FOXP1: variants seen among roughly 807,000 people sequenced by gnomAD.
The protein encoded by FOXP1 is forkhead box P1, also known as forkhead box protein P1.
Under a neutral mutation model 98.2 loss-of-function variants are expected in FOXP1, and 15 were observed. That is an observed-to-expected ratio of 0.15 (90% confidence interval 0.10 to 0.24). The LOEUF (loss-of-function observed/expected upper bound fraction) is 0.24, where lower values mean the gene tolerates loss of function less well. Among genes scored for constraint, FOXP1 ranks in the 10% least tolerant of loss-of-function variants. FOXP1 has a pLI of 1.00. For missense variants in FOXP1, 633 were observed against 848.5 expected, an observed-to-expected ratio of 0.75 and a Z score of 3.15; for synonymous variants, 371 against 314.5, an observed-to-expected ratio of 1.18 and a Z score of -1.90.
chr3:71,516,248 T>C (rs1477666482), intron 2 of FOXP1, among the ~76,000 whole-genome samples: 2 of 152,184 alleles, frequency 1.3e-5, no homozygotes, highest in Non-Finnish European at 2.9e-5. Context: ...ATTTCAAACT[T>C]ACTGTCAAAG....
At chr3:71,348,527 G>A (rs1212583031) in intron 4 of FOXP1, among the ~76,000 whole-genome samples, 6 of 125,202 alleles carry the variant, frequency 4.8e-5, no homozygotes, top group African/African-American at 1.5e-4. Context: ...GTGTGCGTGT[G>A]TGTGTGTGTG....
intron 6 of FOXP1, among the ~76,000 whole-genome samples, chr3:71,177,504 C>T (rs900038198): frequency 6.6e-6 from 1 of 152,092 alleles, no homozygotes; most frequent in African/African-American, 2.4e-5. Flanking sequence ...TGATCATCAC[C>T]ACAATAAACA....
chr3:71,112,722 T>C, intron 6 of FOXP1, 85 bp from the exon 7 acceptor site: 1 of 982,904 alleles, frequency 1.0e-6, no homozygotes, highest in Non-Finnish European at 1.6e-6. Flanking sequence ...GAAGTGCGCT[T>C]TGGGACTGGG....
At chr3:71,127,115 T>C (rs1030617016) in intron 6 of FOXP1, among the ~76,000 whole-genome samples, 1 of 152,104 alleles carries the variant, frequency 6.6e-6, no homozygotes, top group Non-Finnish European at 1.5e-5. Context: ...CTGGAAAAGC[T>C]TTCAACGAAG....
chr3:70,970,762 A>G lies in FOXP1; in HGVS notation c.1696T>C (p.Cys566Arg). Residue 566 changes from cysteine to arginine, a missense_variant, in exon 19 of 21, where the codon TGC (cysteine) becomes CGC (arginine). Coordinates refer to ENST00000649528, the MANE Select transcript of FOXP1 (RefSeq NM_001349338.3). ...IKNMQSSHAY[C>R]TPLNAALQAS... ...TGTAAAGCTGCATTGAGAGGTGTGCAGTAGGCGTGGCTGCTCTGCATGTTT... is the reference window on the plus strand; with the variant it reads ...TGTAAAGCTGCATTGAGAGGTGTGCGGTAGGCGTGGCTGCTCTGCATGTTT... 2 of 1,614,082 alleles carry G rather than the reference A, an allele frequency of 1.2e-6. No individual in the cohort carries two copies. Among genetic ancestry groups the G allele is most frequent in the Non-Finnish European group, 1.7e-6 (2 of 1,179,924 alleles).
chr3:71,544,376 TG>T (rs1383238094), intron 2 of FOXP1, among the ~76,000 whole-genome samples: 3 of 104,628 alleles, frequency 2.9e-5, no homozygotes, highest in Non-Finnish European at 6.2e-5. Context: ...AGTAAAGAAA[TG>T]GAAAAAAAAA....
At chr3:71,011,369 G>A (rs2043595102) in intron 12 of FOXP1, among the ~76,000 whole-genome samples, 1 of 152,126 alleles carries the variant, frequency 6.6e-6, no homozygotes, top group Non-Finnish European at 1.5e-5. Context: ...CTGGGCCAAT[G>A]ACAGTCTGCC....
intron 4 of FOXP1, among the ~76,000 whole-genome samples, chr3:71,335,665 G>A (rs1397369009): frequency 6.6e-6 from 1 of 152,072 alleles, no homozygotes; most frequent in Non-Finnish European, 1.5e-5. Context: ...CCCACTAAAA[G>A]AAATGGGTTT....
chr3:71,417,167 T>C lies in FOXP1; in HGVS notation c.-167-57923A>G, dbSNP rs74943259. Among the ~76,000 whole-genome samples the C allele has an allele frequency of 9.4e-3, 1,424 of 151,964 alleles. 29 individuals are homozygous for C. Among genetic ancestry groups the C allele is most frequent in the African/African-American group, 0.033 (1,372 of 41,426 alleles). ...GTGGAGCTGCGGCTGGAGAGAGGAG[T>C]GTGCTGAAGTCAAATGGTACAGACT... On this transcript the variant is annotated intron_variant, in intron 3 of 20. Transcript: ENST00000649528.
At chr3:71,404,375 C>T in intron 3 of FOXP1, among the ~76,000 whole-genome samples, 1 of 150,884 alleles carries the variant, frequency 6.6e-6, no homozygotes, top group South Asian at 2.1e-4. Flanking sequence ...GATCCGCCCA[C>T]CTCAGTCTCC....
At chr3:71,094,918 C>T (rs2056307161) in intron 7 of FOXP1, among the ~76,000 whole-genome samples, 1 of 152,222 alleles carries the variant, frequency 6.6e-6, no homozygotes, top group Non-Finnish European at 1.5e-5. Flanking sequence ...GTCCAGACTT[C>T]TATTAGTCAA....
intron 3 of FOXP1, among the ~76,000 whole-genome samples, chr3:71,426,030 C>G (rs2084124638): frequency 6.6e-6 from 1 of 152,182 alleles, no homozygotes; most frequent in Non-Finnish European, 1.5e-5. Flanking sequence ...TGAAAATACC[C>G]TAGCATCAGC....
intron 6 of FOXP1, among the ~76,000 whole-genome samples, chr3:71,166,335 A>C (rs1175116709): frequency 2.6e-5 from 4 of 152,222 alleles, no homozygotes. Context: ...ATGAATCATT[A>C]ATGACACCTG....
chr3:71,032,413 G>A (rs183347605), intron 11 of FOXP1, among the ~76,000 whole-genome samples: 5 of 152,314 alleles, frequency 3.3e-5, no homozygotes, highest in Admixed American at 6.5e-5. Flanking sequence ...CCAAAGGAAC[G>A]GTTATCTTCT....
In FOXP1 at chr3:70,956,768, TTTTTTA is replaced by T; in HGVS notation, c.*2473_*2478del. ...TTTTTTTTTTTTTTTTTTTTTTTTTTTTTTTAAAGTCTTGCGTGACCACAGACTGCC... is the reference window on the plus strand; with the variant it reads ...TTTTTTTTTTTTTTTTTTTTTTTTTTAAGTCTTGCGTGACCACAGACTGCC... On this transcript the variant is annotated 3_prime_UTR_variant, in exon 21 of 21. Coordinates refer to ENST00000649528, the MANE Select transcript of FOXP1 (RefSeq NM_001349338.3). 2 of 192,894 alleles carry T rather than the reference TTTTTTA, an allele frequency of 1.0e-5. No homozygotes were observed. The highest frequency in any genetic ancestry group is 2.8e-5 in the African/African-American group (1 of 35,776). The allele number at this position is 192,894 out of a possible 1,614,324, so 11.9% of individuals were successfully genotyped here. A position where few individuals can be genotyped will look rare whatever the true frequency, so the allele number is the denominator to read the frequency against.
In FOXP1 at chr3:71,495,815, A is replaced by C. The variant is rs562463796; in HGVS notation, c.-297-2260T>G. Among the ~76,000 whole-genome samples, 15 of 152,290 alleles carry C rather than the reference A, an allele frequency of 9.8e-5. 1 individual carries two copies. In the South Asian group the frequency reaches 2.9e-3, roughly 29 times the overall value. On this transcript the variant is annotated intron_variant, in intron 2 of 20. Transcript: ENST00000649528. ...TACCCTTCTGACTCAGGCTTGCTCA[A>C]GTGAATTTTGGCACTACCTGACCAT...
chr3:71,567,809 G>A (rs2047018995), intron 2 of FOXP1: 1 of 151,904 alleles, frequency 6.6e-6, no homozygotes, highest in South Asian at 2.1e-4. Flanking sequence ...GTTCTTTCCT[G>A]AGGCTGCCTT....
At chr3:71,241,673 G>A (rs1262828910) in intron 5 of FOXP1, among the ~76,000 whole-genome samples, 4 of 152,186 alleles carry the variant, frequency 2.6e-5, no homozygotes, top group East Asian at 1.9e-4. Flanking sequence ...TGAAGCAGTC[G>A]AAGAAAGGGC....
intron 19 of FOXP1, among the ~76,000 whole-genome samples, chr3:70,966,752 C>T (rs1386793906): frequency 6.6e-6 from 1 of 152,002 alleles, no homozygotes; most frequent in Admixed American, 6.6e-5. Flanking sequence ...TTTTTGGTGC[C>T]AAAGTACATC....
Sources: gnomAD v4.1 joint callset for allele counts (sites outside exome capture counted in the v4.1 genomes callset) on GRCh38, gnomAD v4.1.1 for gene constraint, MANE v1.5 for transcripts, NCBI Gene and HGNC (gene_info 2026-07-23, HGNC 2026-07-21) for gene names.